Variants in PMEPA1 observed in about 807,000 individuals in gnomAD.
PMEPA1 encodes the protein prostate transmembrane protein, androgen induced 1, also known as protein TMEPAI.
In PMEPA1, 11 loss-of-function variants were observed where a neutral mutation model predicts 23.0. The observed-to-expected ratio is 0.48, with a 90% confidence interval of 0.30 to 0.79. The LOEUF is 0.79. Among genes scored for constraint, PMEPA1 ranks in the 30% least tolerant of loss-of-function variants. The pLI, the probability that PMEPA1 is intolerant of heterozygous loss-of-function variation, is 0.06. For missense variants in PMEPA1, 377 were observed against 390.9 expected (o/e 0.96, Z 0.30); for synonymous variants, 204 against 166.4 (o/e 1.23, Z -1.74).
chr20:57,670,246 G>C (rs1268992463), intron 1 of PMEPA1, among the ~76,000 whole-genome samples: 1 of 152,122 alleles, frequency 6.6e-6, no homozygotes, highest in African/African-American at 2.4e-5. Context: ...AGGCTGCCCT[G>C]TGGCACCCAC....
chr20:57,687,968 T>C (rs1010987826), intron 1 of PMEPA1, among the ~76,000 whole-genome samples: 6 of 152,150 alleles, frequency 3.9e-5, no homozygotes, highest in Non-Finnish European at 8.8e-5. Context: ...GGCCCTGACA[T>C]TGGATCCACC....
Position 57,652,932 on chromosome 20 carries a change from G to A in PMEPA1, c.318+101C>T, listed in dbSNP as rs1167988697. The stretch of plus-strand genomic sequence containing the variant: ...AGCAGCAAGGGCACTGCAGAGGAGG[G>A]CGGAGGGGTGAGCCTTTAGCAGCCC... On this transcript the variant is annotated intron_variant, in intron 3 of 3. Coordinates refer to ENST00000341744, the MANE Select transcript of PMEPA1 (RefSeq NM_020182.5). This position sits in a 1 kb window ranked among gnomAD's most constrained non-coding sequence, Gnocchi z 6.1. 5.1e-6 allele frequency: 5 copies of A among 980,830 alleles called. No individual in the cohort carries two copies. The highest frequency in any genetic ancestry group is 7.9e-6 in the Non-Finnish European group (5 of 631,602). The allele number at this position is 980,830 out of a possible 1,614,324, so 60.8% of individuals were successfully genotyped here.
intron 1 of PMEPA1, among the ~76,000 whole-genome samples, chr20:57,701,585 G>A (rs1367070808): frequency 1.3e-5 from 2 of 152,122 alleles, no homozygotes; most frequent in Non-Finnish European, 2.9e-5. Context: ...TGAAACTCGG[G>A]CACAGTTTCC....
At chr20:57,686,752 T>A (rs1019709951) in intron 1 of PMEPA1, among the ~76,000 whole-genome samples, 6 of 152,212 alleles carry the variant, frequency 3.9e-5, no homozygotes, top group African/African-American at 1.4e-4. Flanking sequence ...CTCAATCCCA[T>A]GCAATGAAGA....
In PMEPA1 at chr20:57,652,370, C is replaced by G; in HGVS notation, c.547G>C (p.Val183Leu). The change falls in exon 4 of 4, where the codon GTG becomes CTG. Residue 183 changes from valine to leucine, a missense_variant. Val to Leu is a conservative substitution (Grantham distance 32, BLOSUM62 1). Coordinates refer to ENST00000341744, the MANE Select transcript of PMEPA1 (RefSeq NM_020182.5). The surrounding 1 kb of genome is among the most constrained non-coding windows in gnomAD (Gnocchi z 6.1). ...ATGGTTCTGTTTGGGGGTGCGCGCA[C>G]CGACTCCCGGTTCAGTTCCAGCTGC... is the stretch of plus-strand genomic sequence containing the variant. ...EQQLELNRES[V>L]RAPPNRTIFD... 1 of 1,613,570 alleles carries G rather than the reference C, an allele frequency of 6.2e-7. No individual in the cohort carries two copies. The highest frequency in any genetic ancestry group is 8.5e-7 in the Non-Finnish European group (1 of 1,179,922).
chr20:57,667,040 C>T (rs983377157), intron 1 of PMEPA1, among the ~76,000 whole-genome samples: 5 of 152,198 alleles, frequency 3.3e-5, no homozygotes, highest in African/African-American at 1.2e-4. Flanking sequence ...ACACCCACAG[C>T]GTCCAGAGCT....
chr20:57,710,110 C>G (rs548504282), upstream of PMEPA1: 7 of 871,102 alleles, frequency 8.0e-6, no homozygotes, highest in African/African-American at 5.3e-5. Context: ...CCCGCACCCC[C>G]TCCCCGAGCC....
intron 1 of PMEPA1, chr20:57,700,220 T>C: frequency 2.2e-6 from 1 of 462,596 alleles, no homozygotes; most frequent in Non-Finnish European, 4.5e-6. Flanking sequence ...CAGCTGCCAC[T>C]GACAGACCCC....
At chr20:57,693,490 C>T (rs1026499151) in intron 1 of PMEPA1, among the ~76,000 whole-genome samples, 7 of 152,194 alleles carry the variant, frequency 4.6e-5, no homozygotes, top group Admixed American at 2.6e-4. Context: ...CAGTAAAAGT[C>T]GAAGGTGGGG....
intron 1 of PMEPA1, among the ~76,000 whole-genome samples, chr20:57,661,367 A>G (rs371203174): frequency 1.8e-4 from 27 of 152,160 alleles, no homozygotes; most frequent in African/African-American, 5.5e-4. Context: ...CAGAGTGGGC[A>G]CCAGCCGGCA....
intron 1 of PMEPA1, 71 bp from the exon 2 acceptor site, chr20:57,659,768 T>C (rs926057498): frequency 6.9e-7 from 1 of 1,457,514 alleles, no homozygotes; most frequent in Non-Finnish European, 9.3e-7. Flanking sequence ...CTCAGCCCTT[T>C]TGAGCTTTTT....
intron 1 of PMEPA1, chr20:57,690,360 T>A: frequency 7.4e-6 from 8 of 1,077,114 alleles, no homozygotes; most frequent in Non-Finnish European, 1.0e-5. Context: ...CACATGCAAA[T>A]GCTCCTGAGA....
At chr20:57,703,705 C>A (rs114342093) in intron 1 of PMEPA1, among the ~76,000 whole-genome samples, 5 of 152,218 alleles carry the variant, frequency 3.3e-5, no homozygotes, top group Admixed American at 6.5e-5. Context: ...CCAACCTTCC[C>A]AGCCAGTCCG....
intron 1 of PMEPA1, among the ~76,000 whole-genome samples, chr20:57,689,352 G>C (rs530849397): frequency 1.3e-5 from 2 of 152,164 alleles, no homozygotes; most frequent in Non-Finnish European, 2.9e-5. Context: ...CAGTCTGAAC[G>C]TGAGAAGGGG....
intron 1 of PMEPA1, among the ~76,000 whole-genome samples, chr20:57,681,288 A>AC (rs1031769131): frequency 6.6e-6 from 1 of 151,764 alleles, no homozygotes. Context: ...GCCACTGGGA[A>AC]CCCCCGTCCC....
In PMEPA1 at chr20:57,709,696, C is replaced by T; in HGVS notation, c.-114G>A. The T allele has an allele frequency of 3.1e-6, 3 of 977,588 alleles. No homozygotes were observed. Among genetic ancestry groups the T allele is most frequent in the Non-Finnish European group, 3.6e-6 (3 of 826,686 alleles). 60.6% of individuals were successfully genotyped at this position (977,588 alleles called of 1,614,324 possible). ...TGCAGGAGGCGCGCGGCGGGGGAGG[C>T]GCGCCCCGGCTCGCCGGGCTCGGGT... On this transcript the variant is annotated 5_prime_UTR_variant, in exon 1 of 4. Coordinates refer to ENST00000341744, the MANE Select transcript of PMEPA1 (RefSeq NM_020182.5).
intron 1 of PMEPA1, among the ~76,000 whole-genome samples, chr20:57,702,239 C>T (rs1232508321): frequency 1.3e-5 from 2 of 152,176 alleles, no homozygotes; most frequent in South Asian, 2.1e-4. Context: ...TGAGCCCCTG[C>T]GGAGGCTGTG....
At chr20:57,669,955 C>A (rs2071545171) in intron 1 of PMEPA1, among the ~76,000 whole-genome samples, 1 of 152,142 alleles carries the variant, frequency 6.6e-6, no homozygotes, top group Non-Finnish European at 1.5e-5. Flanking sequence ...CCCAGGTGGT[C>A]TCTGCGGAGG....
At chr20:57,708,924 A>T (rs569252468) in intron 1 of PMEPA1, among the ~76,000 whole-genome samples, 1 of 152,072 alleles carries the variant, frequency 6.6e-6, no homozygotes, top group East Asian at 1.9e-4. Context: ...AGACCCCCAG[A>T]CACCCCGAGA....
Sources: allele counts gnomAD v4.1 joint callset (sites outside exome capture counted in the v4.1 genomes callset), GRCh38; gene constraint gnomAD v4.1.1; non-coding constraint Gnocchi (gnomAD v3.1); transcripts MANE v1.5; gene names NCBI Gene and HGNC (gene_info 2026-07-23, HGNC 2026-07-21).